Variants in GMPR observed in about 807,000 individuals in gnomAD.
GMPR encodes the protein guanosine monophosphate reductase, also known as GMP reductase 1.
Under a neutral mutation model 38.4 loss-of-function variants are expected in GMPR, and 31 were observed. The observed-to-expected ratio is 0.81, with a 90% CI of 0.61 to 1.09. The LOEUF is 1.09. Ranked by LOEUF, GMPR falls within the 50% of genes least tolerant of loss-of-function variation. The pLI, the probability that GMPR is intolerant of heterozygous loss-of-function variation, is 0.00. For missense variants in GMPR, 468 were observed against 453.7 expected (o/e 1.03, Z -0.29); for synonymous variants, 162 against 173.3 (o/e 0.93, Z 0.51).
At chr6:16,264,411 C>T (rs112688182) in intron 4 of GMPR, 9,176 of 223,554 alleles carry the variant, frequency 0.041, 457 homozygotes, top group East Asian at 0.13. Context: ...GTGGATCTTT[C>T]GCAAAGAGCA....
At chr6:16,244,800 G>C (rs2113667608) in intron 1 of GMPR, among the ~76,000 whole-genome samples, 1 of 152,308 alleles carries the variant, frequency 6.6e-6, no homozygotes, top group Non-Finnish European at 1.5e-5. Flanking sequence ...GGTGGATAAA[G>C]TTGGGGAAGA....
At chr6:16,242,620 T>G (rs778916343) in intron 1 of GMPR, among the ~76,000 whole-genome samples, 2 of 152,080 alleles carry the variant, frequency 1.3e-5, no homozygotes, top group Non-Finnish European at 1.5e-5. Context: ...GTGTCCAAAT[T>G]TCTCCTTTTT....
intron 4 of GMPR, among the ~76,000 whole-genome samples, chr6:16,259,807 C>T (rs1201732333): frequency 6.6e-6 from 1 of 152,130 alleles, no homozygotes; most frequent in Non-Finnish European, 1.5e-5. Flanking sequence ...CAGCATAGTC[C>T]TGTCAGCAAA....
intron 4 of GMPR, among the ~76,000 whole-genome samples, chr6:16,265,796 A>C (rs1409665775): frequency 2.6e-5 from 4 of 151,554 alleles, no homozygotes; most frequent in Non-Finnish European, 5.9e-5. Flanking sequence ...GCCAGCCCGG[A>C]TAACCCACTC....
At chr6:16,290,376 TG>T in intron 7 of GMPR, 85 bp from the exon 8 acceptor site, 1 of 1,222,102 alleles carries the variant, frequency 8.2e-7, no homozygotes, top group Non-Finnish European at 1.2e-6. Context: ...GGAGGTGAAC[TG>T]GGCAAGCACT....
At chr6:16,282,562 C>T (rs1253630582) in intron 6 of GMPR, among the ~76,000 whole-genome samples, 2 of 152,122 alleles carry the variant, frequency 1.3e-5, no homozygotes, top group South Asian at 2.1e-4. Flanking sequence ...CCTTTCTGAG[C>T]CTCTTTCCAC....
chr6:16,278,747 AACC>A, intron 5 of GMPR, 34 bp from the exon 6 acceptor site: 2 of 1,364,396 alleles, frequency 1.5e-6, no homozygotes, highest in South Asian at 1.2e-5. Flanking sequence ...TCTCATGTAT[AACC>A]ATCTATTTGG....
At chr6:16,250,678 A>T (rs922127580) in intron 3 of GMPR, among the ~76,000 whole-genome samples, 1 of 152,054 alleles carries the variant, frequency 6.6e-6, no homozygotes, top group African/African-American at 2.4e-5. Context: ...CTGTAGAAAA[A>T]ACTTCTGAGT....
chr6:16,269,500 A>G (rs1157317289), intron 4 of GMPR, among the ~76,000 whole-genome samples: 1 of 152,214 alleles, frequency 6.6e-6, no homozygotes. Flanking sequence ...CTTATATTAT[A>G]AAAATCAGAA....
At chr6:16,249,096 C>A (rs1039554145) in intron 2 of GMPR, among the ~76,000 whole-genome samples, 1 of 151,950 alleles carries the variant, frequency 6.6e-6, no homozygotes, top group Non-Finnish European at 1.5e-5. Flanking sequence ...GGTGTCCAAT[C>A]TCCGTAGTCA....
Position 16,290,469 on chromosome 6 carries a change from A to G in GMPR, c.705A>G (p.Gly235=). The change falls in exon 8 of 9, where the codon GGA becomes GGG. Residue 235 remains glycine, a synonymous_variant. Transcript: ENST00000259727. ...CCCACCGTTGGCATTTAGGAGCTGG[A>G]GCAGATTTTGTCATGCTGGGAGGAA... ...PGDVAKAFGA[G]ADFVMLGGMF... is the part of the protein sequence containing the mutation. The G allele has an allele frequency of 1.2e-6, 2 of 1,613,808 alleles. No individual in the cohort carries two copies. Among genetic ancestry groups the G allele is most frequent in the African/African-American group, 2.7e-5 (2 of 75,000 alleles).
At chr6:16,266,326 C>T (rs926433955) in intron 4 of GMPR, among the ~76,000 whole-genome samples, 2 of 148,778 alleles carry the variant, frequency 1.3e-5, no homozygotes, top group Non-Finnish European at 3.0e-5. Context: ...GAGGAACGAA[C>T]AACTCTGGGT....
chr6:16,274,351 G>A, intron 4 of GMPR, 64 bp from the exon 5 acceptor site: 11 of 1,003,052 alleles, frequency 1.1e-5, no homozygotes, highest in Non-Finnish European at 1.6e-5. Flanking sequence ...TCAGGTGTGG[G>A]GTTCCTCACC....
intron 4 of GMPR, among the ~76,000 whole-genome samples, chr6:16,256,351 T>TAA (rs200060049): frequency 0.062 from 7,517 of 120,588 alleles, 253 homozygotes; most frequent in Non-Finnish European, 0.088. Context: ...CTGCATCTAC[T>TAA]AAAAAAAAAA....
intron 6 of GMPR, among the ~76,000 whole-genome samples, chr6:16,283,547 AC>A (rs1289202075): frequency 6.6e-6 from 1 of 152,244 alleles, no homozygotes; most frequent in Non-Finnish European, 1.5e-5. Context: ...TCACAAGTGC[AC>A]ATACAAAAGC....
chr6:16,254,458 A>G (rs1758934077), intron 3 of GMPR, 104 bp from the exon 4 acceptor site: 6 of 943,718 alleles, frequency 6.4e-6, no homozygotes, highest in Non-Finnish European at 1.0e-5. Context: ...GGGTAGACCG[A>G]AAAGGGTTGT....
chr6:16,256,931 T>A (rs780971307), intron 4 of GMPR, among the ~76,000 whole-genome samples: 15 of 152,132 alleles, frequency 9.9e-5, no homozygotes, highest in Non-Finnish European at 2.2e-4. Context: ...TAATATTTAA[T>A]CTTTGACCCT....
Position 16,246,452 on chromosome 6 carries a change from AAAGGT to A in GMPR, c.88-386_88-382del, listed in dbSNP as rs1758757077. ...TGAATTTGGAGTGTGGCTCTAGGTG[AAAGGT>A]AAGAAGTGAAGGGATTGTTCCAGGA... On this transcript the variant is annotated intron_variant, in intron 1 of 8. Transcript: ENST00000259727. Among the ~76,000 whole-genome samples, 4 of 152,124 alleles carry A rather than the reference AAAGGT, an allele frequency of 2.6e-5. No homozygotes were observed. In the South Asian group the frequency reaches 8.3e-4, roughly 32 times the overall value.
chr6:16,240,026 C>T (rs1488331960), intron 1 of GMPR, among the ~76,000 whole-genome samples: 1 of 152,144 alleles, frequency 6.6e-6, no homozygotes, highest in African/African-American at 2.4e-5. Flanking sequence ...GCCTGGGCCT[C>T]TGGAAGCATG....
Sources: gnomAD v4.1 joint callset for allele counts (sites outside exome capture counted in the v4.1 genomes callset) on GRCh38, gnomAD v4.1.1 for gene constraint, MANE v1.5 for transcripts, NCBI Gene and HGNC (gene_info 2026-07-23, HGNC 2026-07-21) for gene names.